The following AKR1C3 variants were observed in gnomAD, a reference collection of about 807,000 sequenced individuals.
AKR1C3 encodes 3-alpha hydroxysteroid dehydrogenase, type II.
In AKR1C3, 48 loss-of-function variants were observed where a neutral mutation model predicts 43.6. The observed-to-expected ratio is 1.10, with a 90% CI of 0.87 to 1.40. The LOEUF (loss-of-function observed/expected upper bound fraction) is 1.40, where lower values mean the gene tolerates loss of function less well. Ranked by LOEUF, AKR1C3 falls within the 40% of genes most tolerant of loss-of-function variation. The pLI is 0.00. For synonymous variants in AKR1C3, 162 were observed against 139.6 expected (o/e 1.16, Z -1.13); for missense variants, 482 against 391.2 (o/e 1.23, Z -1.96).
At chr10:5,085,084 G>A (rs370870400) in intron 1 of AKR1C3, among the ~76,000 whole-genome samples, 4 of 152,052 alleles carry the variant, frequency 2.6e-5, no homozygotes, top group Admixed American at 1.3e-4. Context: ...TCTCCTGCCT[G>A]ATTGCCCTGG....
chr10:5,079,717 A>C lies in AKR1C3; in HGVS notation c.85-16693A>C, dbSNP rs868911090. Reference sequence around the variant, plus strand: ...TCTCTCCCCCATTACCTGAGACCCCACCTCCCCGAGAGACCCCAAGCCCCT... The same window carrying C: ...TCTCTCCCCCATTACCTGAGACCCCCCCTCCCCGAGAGACCCCAAGCCCCT... On this transcript the variant is annotated intron_variant, in intron 1 of 8. Coordinates refer to the AKR1C3 transcript ENST00000439082. Among the ~76,000 whole-genome samples, 582 of 150,682 alleles carry C rather than the reference A, an allele frequency of 3.9e-3. 7 individuals carry two copies. The highest frequency in any genetic ancestry group is 0.013 in the African/African-American group (536 of 40,878).
intron 1 of AKR1C3, among the ~76,000 whole-genome samples, chr10:5,056,683 G>A (rs369849808): frequency 6.6e-6 from 1 of 152,302 alleles, no homozygotes; most frequent in East Asian, 1.9e-4. Context: ...AGACTTCAGG[G>A]TTGATTCCCT....
intron 1 of AKR1C3, among the ~76,000 whole-genome samples, chr10:5,069,281 C>A (rs1344621334): frequency 6.6e-6 from 1 of 152,094 alleles, no homozygotes; most frequent in Non-Finnish European, 1.5e-5. Flanking sequence ...CAACTGTATG[C>A]AGACAAACAT....
intron 5 of AKR1C3, among the ~76,000 whole-genome samples, chr10:5,100,701 C>G (rs1554785823): frequency 6.6e-6 from 1 of 152,096 alleles, no homozygotes; most frequent in Non-Finnish European, 1.5e-5. Flanking sequence ...TGAATTTGGC[C>G]TAATGATACA....
At position 5,102,431 on chromosome 10, in the gene AKR1C3, C is replaced by T. The variant is rs1337499950; in HGVS notation, c.681-54C>T. ...ATGCCTTAGTCTGTTTAGGGAGCCGCCTAACAAACTATCGCCAGCCTCAGG... is the reference window on the plus strand; with the variant it reads ...ATGCCTTAGTCTGTTTAGGGAGCCGTCTAACAAACTATCGCCAGCCTCAGG... On this transcript the variant is annotated intron_variant, in intron 6 of 8. Coordinates refer to ENST00000380554, the MANE Select transcript of AKR1C3 (RefSeq NM_003739.6). The T allele has an allele frequency of 2.1e-5, 26 of 1,245,080 alleles. 2 individuals carry two copies. The highest frequency in any genetic ancestry group is 4.6e-5 in the Admixed American group (2 of 43,688). The allele number at this position is 1,245,080 out of a possible 1,614,324, so 77.1% of individuals were successfully genotyped here.
intron 8 of AKR1C3, among the ~76,000 whole-genome samples, chr10:5,106,587 C>T (rs781918777): frequency 2.0e-5 from 3 of 152,142 alleles, no homozygotes; most frequent in African/African-American, 4.8e-5. Flanking sequence ...CCTGTCTCTA[C>T]TAAAAATATA....
intron 1 of AKR1C3, among the ~76,000 whole-genome samples, chr10:5,065,363 G>A (rs543886435): frequency 6.6e-6 from 1 of 152,300 alleles, no homozygotes; most frequent in South Asian, 2.1e-4. Flanking sequence ...TTAAATGCCT[G>A]TCAACACCAG....
At chr10:5,083,590 C>G (rs1189302673) in intron 1 of AKR1C3, among the ~76,000 whole-genome samples, 3 of 152,138 alleles carry the variant, frequency 2.0e-5, no homozygotes, top group Non-Finnish European at 4.4e-5. Context: ...TGGGTATATA[C>G]CCAGTAATGG....
At chr10:5,087,477 A>T (rs1838996418) in intron 1 of AKR1C3, among the ~76,000 whole-genome samples, 1 of 149,684 alleles carries the variant, frequency 6.7e-6, no homozygotes, top group Non-Finnish European at 1.5e-5. Flanking sequence ...GGTTCAAGCG[A>T]TTCTTCTGCC....
At position 5,105,430 on chromosome 10, in the gene AKR1C3, TTTCGTGAGCTATTC is replaced by T. The variant is rs1839475480; in HGVS notation, c.847-164_847-151del. On this transcript the variant is annotated intron_variant, in intron 7 of 8. Transcript: ENST00000380554. ...ATCTAGGAATGGATTTCTGCTTATT[TTTCGTGAGCTATTC>T]ATTGACCCACCTGAGTGTTTAGAGC... 1.1e-5 allele frequency: 6 copies of T among 527,306 alleles called. No individual in the cohort carries two copies. In the South Asian group the frequency reaches 1.7e-4, roughly 15 times the overall value. The allele number at this position is 527,306 out of a possible 1,614,324, so 32.7% of individuals were successfully genotyped here.
upstream of AKR1C3, among the ~76,000 whole-genome samples, chr10:5,092,506 A>T (rs1554784419): frequency 6.9e-6 from 1 of 144,892 alleles, no homozygotes; most frequent in Non-Finnish European, 1.5e-5. Context: ...TTTGCCTTAG[A>T]CTCAAGGATG....
Position 5,098,787 on chromosome 10 carries a change from C to G in AKR1C3, c.370-15C>G, listed in dbSNP as rs375554349. 1 of 1,610,232 alleles carries G rather than the reference C, an allele frequency of 6.2e-7. No individual in the cohort carries two copies. Among genetic ancestry groups the G allele is most frequent in the African/African-American group, 1.3e-5 (1 of 74,796 alleles). On this transcript the variant is annotated splice_polypyrimidine_tract_variant and intron_variant, in intron 3 of 8. Coordinates refer to ENST00000380554, the MANE Select transcript of AKR1C3 (RefSeq NM_003739.6). ...TTAATTTGTGACATCATTAAAATGACTGCTTCTATTTCAGCCAGGTGAGGA... is the reference window on the plus strand; with the variant it reads ...TTAATTTGTGACATCATTAAAATGAGTGCTTCTATTTCAGCCAGGTGAGGA...
intron 1 of AKR1C3, 35 bp downstream of exon 1, chr10:5,094,563 A>C (rs782744983): frequency 1.2e-6 from 2 of 1,608,466 alleles, no homozygotes; most frequent in South Asian, 1.1e-5. Context: ...CGGATTTCAA[A>C]AGAATAAACC....
intron 7 of AKR1C3, among the ~76,000 whole-genome samples, chr10:5,104,695 T>C (rs56804682): frequency 0.031 from 4,745 of 152,254 alleles, 241 homozygotes; most frequent in African/African-American, 0.11. Flanking sequence ...TATTGAGACT[T>C]TCAACCTATG....
chr10:5,091,207 G>GA (rs200232526), upstream of AKR1C3, among the ~76,000 whole-genome samples: 3,516 of 151,658 alleles, frequency 0.023, 55 homozygotes, highest in South Asian at 0.052. Flanking sequence ...TTAGCAGAGA[G>GA]AAAAAAAACT....
chr10:5,067,174 C>T (rs1838523740), intron 1 of AKR1C3, among the ~76,000 whole-genome samples: 1 of 150,748 alleles, frequency 6.6e-6, no homozygotes, highest in Non-Finnish European at 1.5e-5. Context: ...CTGCAAATTC[C>T]TTAAACAAAA....
intron 1 of AKR1C3, chr10:5,077,732 A>G (rs1487591451): frequency 2.5e-6 from 3 of 1,182,968 alleles, no homozygotes; most frequent in African/African-American, 3.2e-5. Context: ...TAGAGAAAAA[A>G]GAAAAAAAAA....
At chr10:5,098,422 G>A (rs1588355847) in intron 3 of AKR1C3, among the ~76,000 whole-genome samples, 2 of 152,086 alleles carry the variant, frequency 1.3e-5, no homozygotes, top group Admixed American at 1.3e-4. Flanking sequence ...AACTCTTCAG[G>A]TGGTCTGATA....
Position 5,083,540 on chromosome 10 carries a change from G to A in AKR1C3, c.85-12870G>A, listed in dbSNP as rs377024033. 9.2e-3 allele frequency among the ~76,000 whole-genome samples: 1,380 copies of A among 149,736 alleles called. 19 individuals are homozygous for A. Among genetic ancestry groups the A allele is most frequent in the African/African-American group, 0.033 (1,296 of 39,360 alleles). ...GTGAATAGTGCCGCTATAAACATAC[G>A]TGTGCATGTGTCTTTATAGCAGCAT... On this transcript the variant is annotated intron_variant, in intron 1 of 8. Coordinates refer to the AKR1C3 transcript ENST00000439082.
Sources: allele counts gnomAD v4.1 joint callset (sites outside exome capture counted in the v4.1 genomes callset), GRCh38; gene constraint gnomAD v4.1.1; transcripts MANE v1.5; gene names NCBI Gene and HGNC (gene_info 2026-07-23, HGNC 2026-07-21).